SYTL3: variants seen among roughly 807,000 people sequenced by gnomAD.
The protein encoded by SYTL3 is synaptotagmin like 3.
SYTL3 carries 88 observed loss-of-function variants against 82.1 expected under a neutral mutation model. The observed-to-expected ratio is 1.07, with a 90% CI of 0.90 to 1.28. The LOEUF (loss-of-function observed/expected upper bound fraction) is 1.28, where lower values mean the gene tolerates loss of function less well. SYTL3 is among the 50% of genes most tolerant of loss of function. The pLI, the probability that SYTL3 is intolerant of heterozygous loss-of-function variation, is 0.00. For missense variants in SYTL3, 831 were observed against 757.6 expected (o/e 1.10, Z -1.14); for synonymous variants, 311 against 289.4 (o/e 1.07, Z -0.76).
intron 8 of SYTL3, among the ~76,000 whole-genome samples, chr6:158,709,035 C>A (rs1486107061): frequency 6.6e-6 from 1 of 152,148 alleles, no homozygotes; most frequent in Non-Finnish European, 1.5e-5. Context: ...GAGTTCGAGA[C>A]CAGCCTGGCC....
At chr6:158,707,382 G>T in intron 7 of SYTL3, 101 bp downstream of exon 7, 1 of 897,918 alleles carries the variant, frequency 1.1e-6, no homozygotes, top group African/African-American at 1.7e-5. Flanking sequence ...ACATGTCACT[G>T]CTTTGGAATG....
At chr6:158,741,412 C>T (rs1053373207) in intron 11 of SYTL3, among the ~76,000 whole-genome samples, 18 of 152,124 alleles carry the variant, frequency 1.2e-4, no homozygotes, top group East Asian at 9.6e-4. Flanking sequence ...TGCAGTAGGG[C>T]GTTGTCATGG....
intron 12 of SYTL3, among the ~76,000 whole-genome samples, chr6:158,750,970 A>C (rs932278659): frequency 6.6e-6 from 1 of 151,818 alleles, no homozygotes; most frequent in Non-Finnish European, 1.5e-5. Context: ...TAATTTTTGT[A>C]TTTTTAGTAG....
At chr6:158,715,121 G>A (rs1783207850) in intron 9 of SYTL3, among the ~76,000 whole-genome samples, 1 of 152,058 alleles carries the variant, frequency 6.6e-6, no homozygotes, top group South Asian at 2.1e-4. Flanking sequence ...CTCTTCTCTT[G>A]TTCTCTTGTG....
chr6:158,748,969 C>T (rs1397222198), intron 12 of SYTL3, among the ~76,000 whole-genome samples: 1 of 152,010 alleles, frequency 6.6e-6, no homozygotes, highest in East Asian at 1.9e-4. Flanking sequence ...GGCTGCAAGC[C>T]CAGCACTTTG....
intron 2 of SYTL3, among the ~76,000 whole-genome samples, chr6:158,659,536 G>T (rs544639684): frequency 1.3e-5 from 2 of 152,226 alleles, no homozygotes; most frequent in South Asian, 4.2e-4. Context: ...TGTATTTTTA[G>T]TAGAGACAGG....
At chr6:158,675,957 G>A (rs1299984457) in intron 5 of SYTL3, among the ~76,000 whole-genome samples, 1 of 152,076 alleles carries the variant, frequency 6.6e-6, no homozygotes, top group Non-Finnish European at 1.5e-5. Context: ...CTCATGGATA[G>A]GAAGAATCAA....
In SYTL3 at chr6:158,702,344, A is replaced by T. The variant is rs567096932; in HGVS notation, c.395-4886A>T. On this transcript the variant is annotated intron_variant, in intron 6 of 17. Coordinates refer to ENST00000611299, the MANE Select transcript of SYTL3 (RefSeq NM_001242394.2). ...TCTGTCTCAAAAAAAAAAAAAAAAAAAATTTTTTTTTTTTTATAGGACATA... is the reference window on the plus strand; with the variant it reads ...TCTGTCTCAAAAAAAAAAAAAAAAATAATTTTTTTTTTTTTATAGGACATA... Among the ~76,000 whole-genome samples the T allele has an allele frequency of 3.3e-4, 50 of 151,070 alleles. 1 individual carries two copies. Among genetic ancestry groups the T allele is most frequent in the Admixed American group, 3.2e-3 (49 of 15,144 alleles).
At chr6:158,681,706 A>C (rs569191037) in intron 5 of SYTL3, among the ~76,000 whole-genome samples, 13 of 152,242 alleles carry the variant, frequency 8.5e-5, no homozygotes, top group African/African-American at 3.1e-4. Flanking sequence ...ACTCAGATTT[A>C]AGCCCCCAAA....
chr6:158,677,769 G>T (rs751360269), intron 5 of SYTL3, among the ~76,000 whole-genome samples: 10 of 151,186 alleles, frequency 6.6e-5, no homozygotes, highest in Non-Finnish European at 1.5e-4. Flanking sequence ...CCAACTGTAT[G>T]CTTGCATAGG....
At chr6:158,657,892 CTT>C (rs1157906072) in intron 2 of SYTL3, among the ~76,000 whole-genome samples, 3 of 135,934 alleles carry the variant, frequency 2.2e-5, no homozygotes, top group Non-Finnish European at 3.2e-5. Context: ...TTTTTTTTAA[CTT>C]ATTACTATTA....
In SYTL3 at chr6:158,680,575, C is replaced by CAAAAAA. The variant is rs71297002; in HGVS notation, c.330-2336_330-2331dup. Among the ~76,000 whole-genome samples, 259 of 77,996 alleles carry CAAAAAA rather than the reference C, an allele frequency of 3.3e-3. 7 individuals carry two copies. Among genetic ancestry groups the CAAAAAA allele is most frequent in the Non-Finnish European group, 4.4e-3 (167 of 37,638 alleles). 51.2% of individuals were successfully genotyped at this position (77,996 alleles called of 152,430 possible). ...GCAACATAGCAAAACCCCGTCTCTA[C>CAAAAAA]AAAAAAAAAAAAAAAAAAACACAAA... On this transcript the variant is annotated intron_variant, in intron 5 of 17. Transcript: ENST00000611299.
intron 5 of SYTL3, among the ~76,000 whole-genome samples, chr6:158,671,101 G>A (rs890971097): frequency 6.6e-6 from 1 of 152,038 alleles, no homozygotes; most frequent in Non-Finnish European, 1.5e-5. Context: ...ACGGCGCCCG[G>A]CCTATGGAGT....
At chr6:158,662,174 G>A (rs900029274) in intron 3 of SYTL3, among the ~76,000 whole-genome samples, 1 of 152,078 alleles carries the variant, frequency 6.6e-6, no homozygotes, top group African/African-American at 2.4e-5. Context: ...TTGAAAGGAC[G>A]TCTTATCACT....
Position 158,665,579 on chromosome 6 carries a change from C to T in SYTL3, c.295C>T (p.His99Tyr), listed in dbSNP as rs1464039354. The change falls in exon 5 of 18, where the codon CAT (histidine) becomes TAT (tyrosine). Residue 99 changes from histidine to tyrosine, a missense_variant. Transcript: ENST00000611299. ...AQCRVFLRGTHAWKCTVCFED... is the reference protein window; with the variant it reads ...AQCRVFLRGTYAWKCTVCFED... ...GTGCCGAGTGTTCCTGAGGGGGACCCATGCCTGGAAGTGCACGGTGTGCTT... is the reference window on the plus strand; with the variant it reads ...GTGCCGAGTGTTCCTGAGGGGGACCTATGCCTGGAAGTGCACGGTGTGCTT... 1.3e-6 allele frequency: 2 copies of T among 1,576,730 alleles called. No homozygotes were observed. The highest frequency in any genetic ancestry group is 1.9e-5 in the Admixed American group (1 of 52,672).
chr6:158,737,580 C>T (rs751821277), intron 11 of SYTL3, among the ~76,000 whole-genome samples: 1 of 152,204 alleles, frequency 6.6e-6, no homozygotes, highest in African/African-American at 2.4e-5. Context: ...CAAACCCAGA[C>T]TGTGCCAATG....
chr6:158,652,014 G>A (rs1307767866), intron 2 of SYTL3, among the ~76,000 whole-genome samples, 172 bp downstream of exon 2: 1 of 146,074 alleles, frequency 6.8e-6, no homozygotes, highest in African/African-American at 2.5e-5. Context: ...TGCAACCCCT[G>A]CCTCCCAGGT....
At chr6:158,681,715 A>G (rs1778719336) in intron 5 of SYTL3, among the ~76,000 whole-genome samples, 1 of 152,090 alleles carries the variant, frequency 6.6e-6, no homozygotes, top group Non-Finnish European at 1.5e-5. Context: ...TAAGCCCCCA[A>G]ATCTCCATCA....
At chr6:158,736,182 T>G (rs1786135538) in intron 11 of SYTL3, among the ~76,000 whole-genome samples, 1 of 151,720 alleles carries the variant, frequency 6.6e-6, no homozygotes, top group South Asian at 2.1e-4. Context: ...AAACCACATC[T>G]CTACTAAAAA....
Sources: allele counts gnomAD v4.1 joint callset (sites outside exome capture counted in the v4.1 genomes callset), GRCh38; gene constraint gnomAD v4.1.1; transcripts MANE v1.5; gene names NCBI Gene and HGNC (gene_info 2026-07-23, HGNC 2026-07-21).